Variants in THSD7B observed in about 807,000 individuals in gnomAD.
THSD7B encodes thrombospondin type-1 domain-containing protein 7B.
Under a neutral mutation model 213.6 loss-of-function variants are expected in THSD7B, and 138 were observed. The ratio of observed to expected loss-of-function variants is 0.65; its 90% confidence interval spans 0.56 to 0.74. THSD7B has a LOEUF of 0.74. THSD7B is among the 30% of genes least tolerant of loss of function. THSD7B has a pLI of 0.00. For synonymous variants in THSD7B, 742 were observed against 687.0 expected, an observed-to-expected ratio of 1.08 and a Z score of -1.25; for missense variants, 1,931 against 1,991.5, an observed-to-expected ratio of 0.97 and a Z score of 0.58.
At chr2:136,841,125 A>T (rs1377294762) in intron 1 of THSD7B, among the ~76,000 whole-genome samples, 4 of 152,152 alleles carry the variant, frequency 2.6e-5, no homozygotes, top group African/African-American at 9.7e-5. Flanking sequence ...TTTACATACC[A>T]GTAACTGGAA....
rs193240707 is a variant in THSD7B at position 137,585,895 on chromosome 2, G to C, written c.3423+13339G>C. Among the ~76,000 whole-genome samples, 14 of 152,268 alleles carry C rather than the reference G, an allele frequency of 9.2e-5. No individual in the cohort carries two copies. In the East Asian group the frequency reaches 1.4e-3, roughly 15 times the overall value. The stretch of plus-strand genomic sequence containing the variant: ...CTGAGTTCAATTCCTGGATATCCCT[G>C]TTAACTTTCTTTCTCGATCTGTCTA... On this transcript the variant is annotated intron_variant, in intron 17 of 27. Coordinates refer to ENST00000409968, the MANE Select transcript of THSD7B (RefSeq NM_001316349.2).
At chr2:137,030,042 A>G (rs1288592460) in intron 2 of THSD7B, among the ~76,000 whole-genome samples, 1 of 152,162 alleles carries the variant, frequency 6.6e-6, no homozygotes, top group African/African-American at 2.4e-5. Context: ...TCCTGCCCAC[A>G]AGGATTTTCT....
intron 15 of THSD7B, among the ~76,000 whole-genome samples, chr2:137,453,501 T>G (rs2105069435): frequency 6.6e-6 from 1 of 151,968 alleles, no homozygotes; most frequent in South Asian, 2.1e-4. Flanking sequence ...GGCTAATTTT[T>G]TGTATTTTTA....
At chr2:137,028,266 T>C (rs1476405737) in intron 2 of THSD7B, among the ~76,000 whole-genome samples, 1 of 152,174 alleles carries the variant, frequency 6.6e-6, no homozygotes, top group Non-Finnish European at 1.5e-5. Flanking sequence ...ATACACTGCA[T>C]TGGTTAGACA....
At chr2:136,838,183 A>G (rs1682871689) in intron 1 of THSD7B, among the ~76,000 whole-genome samples, 1 of 152,240 alleles carries the variant, frequency 6.6e-6, no homozygotes, top group Non-Finnish European at 1.5e-5. Flanking sequence ...ATCGATTAAC[A>G]AGTGACCACA....
intron 1 of THSD7B, among the ~76,000 whole-genome samples, chr2:136,880,624 T>A (rs1289621794): frequency 6.6e-6 from 1 of 152,130 alleles, no homozygotes; most frequent in East Asian, 1.9e-4. Flanking sequence ...AGTTCAGGCA[T>A]CTAAGTTTGC....
At chr2:136,794,395 A>G (rs1682024106) in intron 1 of THSD7B, among the ~76,000 whole-genome samples, 1 of 151,678 alleles carries the variant, frequency 6.6e-6, no homozygotes, top group African/African-American at 2.4e-5. Flanking sequence ...GTTTTAATAT[A>G]TTATATTTTT....
chr2:136,819,466 T>G (rs1173221074), intron 1 of THSD7B, among the ~76,000 whole-genome samples: 4 of 152,084 alleles, frequency 2.6e-5, no homozygotes, highest in African/African-American at 7.2e-5. Flanking sequence ...TCAGTCCTTA[T>G]CCCTTAGGGA....
At chr2:137,420,972 G>A (rs1373402463) in intron 14 of THSD7B, among the ~76,000 whole-genome samples, 1 of 152,062 alleles carries the variant, frequency 6.6e-6, no homozygotes, top group Non-Finnish European at 1.5e-5. Context: ...GCCTCTTCCT[G>A]TGTCTTTAAA....
chr2:137,118,989 G>A (rs1688494094), intron 5 of THSD7B, among the ~76,000 whole-genome samples: 2 of 152,090 alleles, frequency 1.3e-5, no homozygotes, highest in Admixed American at 1.3e-4. Context: ...AGAACAGTAT[G>A]GGGCAAACAC....
chr2:137,491,786 C>T (rs1351535684), intron 15 of THSD7B, among the ~76,000 whole-genome samples: 2 of 152,026 alleles, frequency 1.3e-5, no homozygotes, highest in Non-Finnish European at 2.9e-5. Flanking sequence ...AAAGTTAAGC[C>T]ATTTAAGAGG....
At chr2:136,981,327 A>G (rs1473312872) in intron 2 of THSD7B, among the ~76,000 whole-genome samples, 1 of 152,170 alleles carries the variant, frequency 6.6e-6, no homozygotes, top group African/African-American at 2.4e-5. Flanking sequence ...TAAAGAGAGC[A>G]GAATATTGGA....
At chr2:137,639,640 G>GGCTGT (rs1558868303) in intron 20 of THSD7B, among the ~76,000 whole-genome samples, 1 of 152,128 alleles carries the variant, frequency 6.6e-6, no homozygotes, top group African/African-American at 2.4e-5. Context: ...GCAAGAGGGA[G>GGCTGT]GCTGTGCCCT....
At chr2:137,386,600 AG>A (rs1435190327) in intron 12 of THSD7B, among the ~76,000 whole-genome samples, 3 of 152,212 alleles carry the variant, frequency 2.0e-5, no homozygotes, top group Non-Finnish European at 4.4e-5. Context: ...AAGTAATTTC[AG>A]TGTCCTTGGT....
At chr2:137,213,681 T>C (rs529813523) in intron 7 of THSD7B, among the ~76,000 whole-genome samples, 11 of 152,164 alleles carry the variant, frequency 7.2e-5, no homozygotes, top group African/African-American at 2.6e-4. Flanking sequence ...TGGATTGGGC[T>C]GCCAAAACAG....
At chr2:137,575,719 AAC>A (rs1553461200) in intron 17 of THSD7B, among the ~76,000 whole-genome samples, 1 of 136,548 alleles carries the variant, frequency 7.3e-6, no homozygotes, top group Non-Finnish European at 1.7e-5. Context: ...TTATTCCCAT[AAC>A]ACACATATAT....
At chr2:136,933,036 G>A (rs2565219) in intron 2 of THSD7B, among the ~76,000 whole-genome samples, 61,839 of 151,788 alleles carry the variant, frequency 0.41, 14,827 homozygotes, top group Non-Finnish European at 0.55. Flanking sequence ...TCTGTTACTG[G>A]AGGAATGTCT....
intron 2 of THSD7B, among the ~76,000 whole-genome samples, chr2:137,010,348 C>A (rs76674312): frequency 0.014 from 2,134 of 152,288 alleles, 23 homozygotes; most frequent in Middle Eastern, 0.037. Flanking sequence ...GTAAAAGAAT[C>A]TCATCTTCAC....
intron 4 of THSD7B, among the ~76,000 whole-genome samples, chr2:137,110,847 G>C (rs1197725150): frequency 6.6e-6 from 1 of 152,126 alleles, no homozygotes; most frequent in Admixed American, 6.5e-5. Flanking sequence ...ACTGTACCTT[G>C]TTTATGTTAG....
Sources: allele counts gnomAD v4.1 joint callset (sites outside exome capture counted in the v4.1 genomes callset), GRCh38; gene constraint gnomAD v4.1.1; transcripts MANE v1.5; gene names NCBI Gene and HGNC (gene_info 2026-07-23, HGNC 2026-07-21).